The following DYNC1I2 variants were observed in gnomAD, a reference collection of about 807,000 sequenced individuals.
DYNC1I2 encodes the protein dynein cytoplasmic 1 intermediate chain 2, also known as cytoplasmic dynein 1 intermediate chain 2.
In DYNC1I2, 53 loss-of-function variants were observed where a neutral mutation model predicts 88.6. The observed-to-expected ratio is 0.60, with a 90% CI of 0.48 to 0.75. The LOEUF (loss-of-function observed/expected upper bound fraction) is 0.75, where lower values mean the gene tolerates loss of function less well. DYNC1I2 is among the 30% of genes least tolerant of loss of function. The pLI is 0.00. For missense variants in DYNC1I2, 458 were observed against 766.6 expected, an observed-to-expected ratio of 0.60 and a Z score of 4.75; for synonymous variants, 198 against 254.6, an observed-to-expected ratio of 0.78 and a Z score of 2.12.
In DYNC1I2 at chr2:171,739,722, T is replaced by TTTG. The variant is rs1210845519; in HGVS notation, c.1537-4326_1537-4325insTGT. Reference sequence around the variant, plus strand: ...TTTTTTTTTTTTTTTTTTTTTTTTTTTGAGACCGAATCTCACTCTGTTGCC... The same window carrying TTTG: ...TTTTTTTTTTTTTTTTTTTTTTTTTTTTGTGAGACCGAATCTCACTCTGTTGCC... On this transcript the variant is annotated intron_variant, in intron 15 of 17. Transcript: ENST00000397119. Among the ~76,000 whole-genome samples, 9 of 144,896 alleles carry TTTG rather than the reference T, an allele frequency of 6.2e-5. 1 individual carries two copies. The highest frequency in any genetic ancestry group is 2.3e-4 in the African/African-American group (9 of 39,066).
chr2:171,722,612 C>G (rs1037115820), intron 7 of DYNC1I2, among the ~76,000 whole-genome samples: 6 of 151,962 alleles, frequency 3.9e-5, no homozygotes, highest in Non-Finnish European at 8.8e-5. Context: ...CGTTAATAGT[C>G]CTTTGGTAGC....
At chr2:171,689,383 T>C (rs567397352) in intron 1 of DYNC1I2, among the ~76,000 whole-genome samples, 3 of 152,354 alleles carry the variant, frequency 2.0e-5, no homozygotes, top group African/African-American at 7.2e-5. Context: ...CTTTTAGAAC[T>C]TACAGGAAAG....
intron 3 of DYNC1I2, among the ~76,000 whole-genome samples, chr2:171,704,456 C>A (rs1315511378): frequency 6.7e-6 from 1 of 149,816 alleles, no homozygotes; most frequent in African/African-American, 2.5e-5. Context: ...TATATTAATT[C>A]CTTTACTTTA....
At chr2:171,718,568 G>A (rs1471201616) in intron 7 of DYNC1I2, among the ~76,000 whole-genome samples, 1 of 151,900 alleles carries the variant, frequency 6.6e-6, no homozygotes, top group Non-Finnish European at 1.5e-5. Context: ...CGAGTAGCTG[G>A]GACTACAGGC....
chr2:171,708,793 A>T lies in DYNC1I2; in HGVS notation c.335+1416A>T, dbSNP rs527531588. On this transcript the variant is annotated intron_variant, in intron 5 of 17. Coordinates refer to ENST00000397119, the MANE Select transcript of DYNC1I2 (RefSeq NM_001378.3). ...CTGCAACCTCTGCCTCCTGGGCTCA[A>T]ACGATCCTCCCACATCAGCCTCCCG... Among the ~76,000 whole-genome samples, 17 of 152,068 alleles carry T rather than the reference A, an allele frequency of 1.1e-4. No homozygotes were observed. The South Asian group carries it at 1.5e-3, about 13-fold the overall frequency.
chr2:171,704,933 G>A (rs1159442985), intron 3 of DYNC1I2, among the ~76,000 whole-genome samples: 1 of 151,858 alleles, frequency 6.6e-6, no homozygotes, highest in Non-Finnish European at 1.5e-5. Flanking sequence ...TCCCTTCTGT[G>A]GTATACATTA....
intron 7 of DYNC1I2, among the ~76,000 whole-genome samples, chr2:171,717,545 G>A (rs1574570046): frequency 1.3e-5 from 2 of 152,276 alleles, no homozygotes; most frequent in South Asian, 2.1e-4. Context: ...GAAACACACT[G>A]ATGGTAAACT....
chr2:171,706,470 T>C (rs1686683765), intron 3 of DYNC1I2, 77 bp from the exon 4 acceptor site: 7 of 1,241,806 alleles, frequency 5.6e-6, no homozygotes, highest in Non-Finnish European at 8.2e-6. Flanking sequence ...TTTTATATAC[T>C]ATGAAAAATG....
chr2:171,736,660 G>A (rs1457889495), intron 15 of DYNC1I2, among the ~76,000 whole-genome samples: 1 of 152,132 alleles, frequency 6.6e-6, no homozygotes, highest in African/African-American at 2.4e-5. Flanking sequence ...GCTTGAATGG[G>A]TACTGTCTTC....
rs1213279453 is a variant in DYNC1I2 at position 171,748,473 on chromosome 2, T to G, written c.*584T>G. 6.6e-6 allele frequency: 1 copy of G among 152,202 alleles called. No homozygotes were observed. The highest frequency in any genetic ancestry group is 1.5e-5 in the Non-Finnish European group (1 of 68,022). The allele number at this position is 152,202 out of a possible 1,614,324, so 9.4% of individuals were successfully genotyped here. A position where few individuals can be genotyped will look rare whatever the true frequency, so the allele number is the denominator to read the frequency against. On this transcript the variant is annotated 3_prime_UTR_variant, in exon 18 of 18. Coordinates refer to ENST00000397119, the MANE Select transcript of DYNC1I2 (RefSeq NM_001378.3). ...ATTTTTCCATCTTTTATAAAATATA[T>G]TTTTTCCATATCTTTCTTTAAGCTC...
intron 5 of DYNC1I2, among the ~76,000 whole-genome samples, chr2:171,708,765 T>C (rs1201420087): frequency 6.6e-6 from 1 of 152,188 alleles, no homozygotes; most frequent in Non-Finnish European, 1.5e-5. Context: ...CAATCTTGGC[T>C]CACTGCAACC....
At chr2:171,690,654 G>GTTTTT (rs1212125870) in intron 2 of DYNC1I2, among the ~76,000 whole-genome samples, 5 of 136,070 alleles carry the variant, frequency 3.7e-5, no homozygotes, top group African/African-American at 1.3e-4. Context: ...TTTGTTTTGG[G>GTTTTT]TTTTTTTTTT....
rs3223500 is a variant in DYNC1I2 at position 171,699,591 on chromosome 2, AGTGTGTGT to A, written c.226+6733_226+6740del. ...AGAGCAGGGGTTATTCATCATTTGG[AGTGTGTGT>A]GTGTGTGTGTGTGTGTGTGTGTGTG... On this transcript the variant is annotated intron_variant, in intron 3 of 17. Transcript: ENST00000397119. 3.0e-3 allele frequency among the ~76,000 whole-genome samples: 408 copies of A among 137,780 alleles called. 4 individuals carry two copies. Among genetic ancestry groups the A allele is most frequent in the African/African-American group, 6.7e-3 (242 of 36,270 alleles). The allele number at this position is 137,780 out of a possible 152,430, so 90.4% of individuals were successfully genotyped here.
At position 171,728,847 on chromosome 2, in the gene DYNC1I2, G is replaced by A; in HGVS notation, c.1388G>A (p.Gly463Asp). 2 of 1,605,046 alleles carry A rather than the reference G, an allele frequency of 1.2e-6. No homozygotes were observed. Among genetic ancestry groups the A allele is most frequent in the Non-Finnish European group, 1.7e-6 (2 of 1,176,946 alleles). The change falls in exon 14 of 18, where the codon GGC becomes GAC. Residue 463 changes from glycine to aspartate, a missense_variant. Physicochemically the swap from Gly to Asp is moderately conservative, Grantham distance 94 (BLOSUM62 -1). Transcript: ENST00000397119. ...TCTGTGTACACAGCATGCCGCCATG[G>A]CAGGTAAACCTAAACTGGAATTTGC... ...EGSVYTACRHGSKAGISEMFE... is the reference protein window; with the variant it reads ...EGSVYTACRHDSKAGISEMFE...
chr2:171,706,746 CT>C (rs1044684041), intron 4 of DYNC1I2, 182 bp downstream of exon 4: 3 of 491,576 alleles, frequency 6.1e-6, no homozygotes, highest in African/African-American at 4.0e-5. Flanking sequence ...AAATTGATAT[CT>C]TTTTTTGGGG....
chr2:171,687,658 A>G (rs1407389399), intron 1 of DYNC1I2, 31 bp downstream of exon 1: 1 of 152,284 alleles, frequency 6.6e-6, no homozygotes, highest in Non-Finnish European at 1.5e-5. Flanking sequence ...AATTCCTCGC[A>G]GCAGGGCCCC....
intron 3 of DYNC1I2, among the ~76,000 whole-genome samples, chr2:171,700,874 A>T (rs1443525501): frequency 1.3e-5 from 2 of 151,846 alleles, no homozygotes; most frequent in Non-Finnish European, 2.9e-5. Context: ...CTCGTGATCC[A>T]CCCTACTCAG....
Position 171,725,612 on chromosome 2 carries a change from T to TTC in DYNC1I2, c.512-5_512-4insCT. The TTC allele has an allele frequency of 6.9e-7, 1 of 1,450,182 alleles. No individual in the cohort carries two copies. The highest frequency in any genetic ancestry group is 9.1e-7 in the Non-Finnish European group (1 of 1,094,094). The allele number at this position is 1,450,182 out of a possible 1,614,324, so 89.8% of individuals were successfully genotyped here. A position where few individuals can be genotyped will look rare whatever the true frequency, so the allele number is the denominator to read the frequency against. On this transcript the variant is annotated splice_polypyrimidine_tract_variant and splice_region_variant and intron_variant, in intron 7 of 17. Coordinates refer to ENST00000397119, the MANE Select transcript of DYNC1I2 (RefSeq NM_001378.3). ...TTTTTTTGTTTGTTTTTTTTTTTTT[T>TTC]TTCAGATGAAGAGGAAGATGATGAT...
intron 5 of DYNC1I2, among the ~76,000 whole-genome samples, chr2:171,708,063 T>TCACA (rs67204676): frequency 0.35 from 50,893 of 147,328 alleles, 9,888 homozygotes; most frequent in Middle Eastern, 0.48. Flanking sequence ...CCTCTTTGTC[T>TCACA]CTCTCACACA....
Sources: gnomAD v4.1 joint callset for allele counts (sites outside exome capture counted in the v4.1 genomes callset) on GRCh38, gnomAD v4.1.1 for gene constraint, MANE v1.5 for transcripts, NCBI Gene and HGNC (gene_info 2026-07-23, HGNC 2026-07-21) for gene names.